The following NCALD variants were observed in gnomAD, a reference collection of about 807,000 sequenced individuals.
The protein encoded by NCALD is neurocalcin delta.
A neutral mutation model predicts 18.6 loss-of-function variants in NCALD; 10 were observed. That is an observed-to-expected ratio of 0.54 (90% CI 0.33 to 0.91). NCALD has a LOEUF of 0.91. NCALD is among the 40% of genes least tolerant of loss of function. The pLI is 0.03. For synonymous variants in NCALD, 88 were observed against 87.4 expected, an observed-to-expected ratio of 1.01 and a Z score of -0.04; for missense variants, 184 against 247.6, an observed-to-expected ratio of 0.74 and a Z score of 1.72.
Position 101,850,838 on chromosome 8 carries a change from C to A in NCALD, c.-20+36303G>T, listed in dbSNP as rs1431119812. On this transcript the variant is annotated intron_variant, in intron 4 of 6. Transcript: ENST00000311028. Reference sequence around the variant, plus strand: ...GCACCTTTAATGAAAGCAGCAGTAACAATAATCAGTCCAGTTCCAAGGTTA... The same window carrying A: ...GCACCTTTAATGAAAGCAGCAGTAAAAATAATCAGTCCAGTTCCAAGGTTA... 3.9e-5 allele frequency among the ~76,000 whole-genome samples: 6 copies of A among 151,970 alleles called. No individual in the cohort carries two copies. The East Asian group carries it at 1.2e-3, about 29-fold the overall frequency.
At chr8:101,717,481 T>C (rs769068794) in intron 2 of NCALD, among the ~76,000 whole-genome samples, 10 of 152,216 alleles carry the variant, frequency 6.6e-5, no homozygotes, top group Non-Finnish European at 1.5e-4. Context: ...CAGCTAAGAA[T>C]TTATGTATCA....
intron 4 of NCALD, among the ~76,000 whole-genome samples, chr8:101,870,889 C>G (rs1815978582): frequency 2.1e-5 from 1 of 48,488 alleles, no homozygotes; most frequent in Non-Finnish European, 3.6e-5. Context: ...TGCTCTACCA[C>G]CGCCCCCACC....
intron 4 of NCALD, among the ~76,000 whole-genome samples, chr8:101,883,559 T>C (rs910158851): frequency 6.6e-6 from 1 of 152,190 alleles, no homozygotes; most frequent in African/African-American, 2.4e-5. Context: ...CTGGTTTCCC[T>C]CTCGTTTTCC....
rs544495596 is a variant in NCALD at position 102,053,609 on chromosome 8, T to C, written c.-209-33320A>G. ...ACAGTGGAGCCAGGATCCCAGACAATTCAGCTCCAAAGCTGGCAACGTTAA... is the reference window on the plus strand; with the variant it reads ...ACAGTGGAGCCAGGATCCCAGACAACTCAGCTCCAAAGCTGGCAACGTTAA... On this transcript the variant is annotated intron_variant, in intron 1 of 6. Transcript: ENST00000311028. 7.2e-5 allele frequency among the ~76,000 whole-genome samples: 11 copies of C among 152,096 alleles called. No individual in the cohort carries two copies. In the East Asian group the frequency reaches 2.1e-3, roughly 29 times the overall value.
At chr8:102,079,219 C>T (rs1824446468) in intron 1 of NCALD, among the ~76,000 whole-genome samples, 1 of 152,216 alleles carries the variant, frequency 6.6e-6, no homozygotes, top group African/African-American at 2.4e-5. Flanking sequence ...TAGCTTTGTG[C>T]ACACAAACAG....
chr8:101,950,521 C>T (rs151151167), intron 2 of NCALD, among the ~76,000 whole-genome samples: 1 of 152,310 alleles, frequency 6.6e-6, no homozygotes, highest in East Asian at 1.9e-4. Context: ...TTTCGTCAGC[C>T]CTCCCTCTGC....
chr8:101,739,690 G>A (rs1458970121), intron 1 of NCALD, among the ~76,000 whole-genome samples: 4 of 152,136 alleles, frequency 2.6e-5, no homozygotes, highest in African/African-American at 9.7e-5. Flanking sequence ...TTGGACTCTT[G>A]GACTTACACC....
intron 3 of NCALD, 116 bp downstream of exon 3, chr8:101,692,675 G>C: frequency 6.4e-6 from 9 of 1,403,816 alleles, no homozygotes; most frequent in Non-Finnish European, 8.6e-6. Context: ...CACCCAGGAG[G>C]CTTGGAGGAT....
At chr8:101,712,248 C>G (rs1032642030) in intron 2 of NCALD, among the ~76,000 whole-genome samples, 2 of 152,098 alleles carry the variant, frequency 1.3e-5, no homozygotes, top group African/African-American at 4.8e-5. Flanking sequence ...TACAAGAGTT[C>G]CCAAAGGAAG....
chr8:101,827,976 C>T (rs947098849), intron 4 of NCALD, among the ~76,000 whole-genome samples: 3 of 152,164 alleles, frequency 2.0e-5, no homozygotes, highest in Non-Finnish European at 4.4e-5. Flanking sequence ...GTGGTAGGTG[C>T]TGGGAATGCA....
intron 1 of NCALD, among the ~76,000 whole-genome samples, chr8:102,081,934 G>A (rs1221750575): frequency 1.3e-5 from 2 of 152,120 alleles, no homozygotes; most frequent in African/African-American, 4.8e-5. Context: ...GCATTAGAGT[G>A]GCCCCAACCT....
At chr8:101,778,743 C>G (rs1775706568) in intron 1 of NCALD, among the ~76,000 whole-genome samples, 1 of 151,960 alleles carries the variant, frequency 6.6e-6, no homozygotes, top group Non-Finnish European at 1.5e-5. Flanking sequence ...GCTAAGGGAC[C>G]TAGTATCGTT....
rs569276632 is a variant in NCALD at position 102,123,925 on chromosome 8, C to T, written c.-210+312G>A. 3.9e-5 allele frequency: 6 copies of T among 153,068 alleles called. No homozygotes were observed. In the East Asian group the frequency reaches 1.2e-3, roughly 30 times the overall value. 9.5% of individuals were successfully genotyped at this position (153,068 alleles called of 1,614,324 possible). ...CGCGCCCCATCCCGCCGGCCCCACG[C>T]GCCTCTGCGCGGCCCTCTGCAAAGT... On this transcript the variant is annotated intron_variant, in intron 1 of 6. Transcript: ENST00000311028.
At chr8:102,044,969 T>C (rs1265470915) in intron 1 of NCALD, among the ~76,000 whole-genome samples, 1 of 152,156 alleles carries the variant, frequency 6.6e-6, no homozygotes, top group African/African-American at 2.4e-5. Context: ...TTAAGTGCAA[T>C]GGCCCCTGGC....
At chr8:102,054,748 GGAT>G (rs1449638630) in intron 1 of NCALD, among the ~76,000 whole-genome samples, 6 of 144,680 alleles carry the variant, frequency 4.1e-5, no homozygotes, top group Admixed American at 2.1e-4. Context: ...TAGATCTATA[GGAT>G]GATAGATATA....
chr8:101,931,096 A>G (rs1385649430), intron 2 of NCALD, among the ~76,000 whole-genome samples: 1 of 152,110 alleles, frequency 6.6e-6, no homozygotes, highest in Non-Finnish European at 1.5e-5. Context: ...GCCAGCGTGG[A>G]CCACTCCATT....
At chr8:102,006,438 C>G (rs1277797567) in intron 2 of NCALD, among the ~76,000 whole-genome samples, 1 of 152,134 alleles carries the variant, frequency 6.6e-6, no homozygotes, top group Non-Finnish European at 1.5e-5. Flanking sequence ...TACTTTAAAA[C>G]AAATTCTGGT....
At chr8:101,941,579 T>A (rs1818958333) in intron 2 of NCALD, among the ~76,000 whole-genome samples, 1 of 152,244 alleles carries the variant, frequency 6.6e-6, no homozygotes, top group African/African-American at 2.4e-5. Flanking sequence ...TTCTCATGCA[T>A]AACAAACTTA....
At chr8:102,035,878 C>A (rs1291493274) in intron 1 of NCALD, among the ~76,000 whole-genome samples, 2 of 152,150 alleles carry the variant, frequency 1.3e-5, no homozygotes, top group Admixed American at 6.5e-5. Flanking sequence ...CTTTCCCCAA[C>A]TAACTGCATA....
Sources: allele counts gnomAD v4.1 joint callset (sites outside exome capture counted in the v4.1 genomes callset), GRCh38; gene constraint gnomAD v4.1.1; transcripts MANE v1.5; gene names NCBI Gene and HGNC (gene_info 2026-07-23, HGNC 2026-07-21).